TRIM71: variants seen among roughly 807,000 people sequenced by gnomAD.
TRIM71 encodes E3 ubiquitin-protein ligase TRIM71.
TRIM71 carries 9 observed loss-of-function variants against 61.2 expected under a neutral mutation model. The ratio of observed to expected loss-of-function variants is 0.15; its 90% confidence interval spans 0.09 to 0.26. TRIM71 has a LOEUF of 0.26. Among genes scored for constraint, TRIM71 ranks in the 10% least tolerant of loss-of-function variants. The pLI is 1.00. For missense variants in TRIM71, 998 were observed against 1,238.7 expected (o/e 0.81, Z 2.92); for synonymous variants, 645 against 553.2 (o/e 1.17, Z -2.33).
chr3:32,844,091 T>A (rs1696442623), intron 1 of TRIM71, among the ~76,000 whole-genome samples: 1 of 152,174 alleles, frequency 6.6e-6, no homozygotes. Flanking sequence ...ACCCATGCTT[T>A]CTCGCGTCGT....
At chr3:32,839,804 G>C (rs966041690) in intron 1 of TRIM71, among the ~76,000 whole-genome samples, 4 of 151,902 alleles carry the variant, frequency 2.6e-5, no homozygotes, top group Non-Finnish European at 4.4e-5. Context: ...ATTGGGTAAG[G>C]GCATTGAAGG....
chr3:32,834,796 C>G (rs981834203), intron 1 of TRIM71, among the ~76,000 whole-genome samples: 1 of 152,034 alleles, frequency 6.6e-6, no homozygotes, highest in Non-Finnish European at 1.5e-5. Context: ...GAGCCGAGAT[C>G]GCACGGCTGC....
intron 3 of TRIM71, among the ~76,000 whole-genome samples, chr3:32,889,518 T>C (rs976500853): frequency 6.6e-6 from 1 of 150,974 alleles, no homozygotes; most frequent in Non-Finnish European, 1.5e-5. Context: ...TAACTCCATA[T>C]ATTCCTTCTC....
At chr3:32,827,397 G>C (rs1696215654) in intron 1 of TRIM71, among the ~76,000 whole-genome samples, 1 of 151,372 alleles carries the variant, frequency 6.6e-6, no homozygotes, top group Admixed American at 6.6e-5. Context: ...CGAGTAGCTG[G>C]GATCACAGGC....
intron 1 of TRIM71, among the ~76,000 whole-genome samples, chr3:32,856,241 T>C (rs550792742): frequency 2.6e-5 from 4 of 152,176 alleles, no homozygotes; most frequent in African/African-American, 9.6e-5. Flanking sequence ...ATGGTCTCGA[T>C]CTCCTGACCT....
intron 3 of TRIM71, among the ~76,000 whole-genome samples, chr3:32,886,944 C>A (rs1171450043): frequency 6.6e-6 from 1 of 152,208 alleles, no homozygotes; most frequent in Admixed American, 6.5e-5. Flanking sequence ...GAATATGGCT[C>A]AATTGCTTTC....
rs760449707 is a variant in TRIM71 at position 32,873,995 on chromosome 3, C to T, written c.1020+10C>T. On this transcript the variant is annotated intron_variant, in intron 2 of 3. Coordinates refer to ENST00000383763, the MANE Select transcript of TRIM71 (RefSeq NM_001039111.3). The stretch of plus-strand genomic sequence containing the variant: ...ACGACAGGCAATCCAGGTGAGCCTT[C>T]CCTGCCCTTCTGCAGTTCCCACGTG... 1.8e-5 allele frequency: 29 copies of T among 1,598,052 alleles called. 1 individual carries two copies. The South Asian group carries it at 3.0e-4, about 17-fold the overall frequency.
chr3:32,860,436 G>T (rs564566807), intron 1 of TRIM71, among the ~76,000 whole-genome samples: 7 of 152,004 alleles, frequency 4.6e-5, no homozygotes, highest in African/African-American at 7.2e-5. Context: ...GATTACAGAC[G>T]TGAGCTACTG....
At position 32,863,195 on chromosome 3, in the gene TRIM71, CTTTTTTT is replaced by C. The variant is rs11348995; in HGVS notation, c.853-10603_853-10597del. Among the ~76,000 whole-genome samples the C allele has an allele frequency of 1.1e-3, 61 of 53,750 alleles. 1 individual carries two copies. Among genetic ancestry groups the C allele is most frequent in the African/African-American group, 4.2e-3 (60 of 14,420 alleles). The allele number at this position is 53,750 out of a possible 152,430, so 35.3% of individuals were successfully genotyped here. Reference sequence around the variant, plus strand: ...TGGGAGGGAGGAGTATTAATTGAACCTTTTTTTTTTTTTTTTTTTTTTTTTTGGAGCT... The same window carrying C: ...TGGGAGGGAGGAGTATTAATTGAACCTTTTTTTTTTTTTTTTTTTGGAGCT... On this transcript the variant is annotated intron_variant, in intron 1 of 3. Transcript: ENST00000383763.
rs1009065613 is a variant in TRIM71 at position 32,893,394 on chromosome 3, A to G, written c.*1583A>G. 3.9e-5 allele frequency: 6 copies of G among 152,182 alleles called. No individual in the cohort carries two copies. The highest frequency in any genetic ancestry group is 5.9e-5 in the Non-Finnish European group (4 of 68,046). The allele number at this position is 152,182 out of a possible 1,614,324, so 9.4% of individuals were successfully genotyped here. A position where few individuals can be genotyped will look rare whatever the true frequency, so the allele number is the denominator to read the frequency against. On this transcript the variant is annotated 3_prime_UTR_variant, in exon 4 of 4. Coordinates refer to ENST00000383763, the MANE Select transcript of TRIM71 (RefSeq NM_001039111.3). ...GTTGTAAGCTGGACTTGGGTACAAA[A>G]CTTGTGCTTCTGGGCATTGTCTGTC...
chr3:32,843,662 T>C (rs1696436690), intron 1 of TRIM71, among the ~76,000 whole-genome samples: 1 of 152,316 alleles, frequency 6.6e-6, no homozygotes, highest in Non-Finnish European at 1.5e-5. Context: ...GGAAGCAGGC[T>C]TAATGCCCGC....
Position 32,856,121 on chromosome 3 carries a change from C to T in TRIM71, c.853-17697C>T, listed in dbSNP as rs368077632. ...CAAGCTCCGCCTCCTGGGTTCACAC[C>T]GTTCTCCTGCCTCAGCCTCCGGAGT... On this transcript the variant is annotated intron_variant, in intron 1 of 3. Transcript: ENST00000383763. Among the ~76,000 whole-genome samples, 58 of 152,242 alleles carry T rather than the reference C, an allele frequency of 3.8e-4. No homozygotes were observed. In the South Asian group the frequency reaches 1.0e-2, roughly 26 times the overall value.
intron 3 of TRIM71, among the ~76,000 whole-genome samples, chr3:32,887,249 A>T (rs1696971520): frequency 6.6e-6 from 1 of 152,090 alleles, no homozygotes; most frequent in Non-Finnish European, 1.5e-5. Context: ...AGGCTGACCC[A>T]CTGTCCTCTC....
chr3:32,863,276 ATGG>A (rs1474929853), intron 1 of TRIM71, among the ~76,000 whole-genome samples: 25 of 133,110 alleles, frequency 1.9e-4, no homozygotes, highest in African/African-American at 7.2e-4. Flanking sequence ...TGGTGCATAC[ATGG>A]CTCACAGCAG....
At chr3:32,870,388 T>TG (rs1355747873) in intron 1 of TRIM71, among the ~76,000 whole-genome samples, 1 of 152,220 alleles carries the variant, frequency 6.6e-6, no homozygotes, top group East Asian at 1.9e-4. Flanking sequence ...CCATCTCTGT[T>TG]GCAGGCGGCC....
At chr3:32,864,272 G>A (rs766438586) in intron 1 of TRIM71, among the ~76,000 whole-genome samples, 1 of 152,148 alleles carries the variant, frequency 6.6e-6, no homozygotes, top group Non-Finnish European at 1.5e-5. Flanking sequence ...CACAACTCTG[G>A]CATTTTCTAA....
At chr3:32,851,804 G>T (rs1482061817) in intron 1 of TRIM71, among the ~76,000 whole-genome samples, 1 of 152,086 alleles carries the variant, frequency 6.6e-6, no homozygotes, top group African/African-American at 2.4e-5. Flanking sequence ...GAAAGGGTTG[G>T]GGCAGTTCTA....
At position 32,828,466 on chromosome 3, in the gene TRIM71, A is replaced by C. The variant is rs574556910; in HGVS notation, c.852+9534A>C. On this transcript the variant is annotated intron_variant, in intron 1 of 3. Transcript: ENST00000383763. ...GAGTAGAGCTGAAATATAAAGTCTC[A>C]TAGCACAGTGCCCTACAATTGAAGG... Among the ~76,000 whole-genome samples the C allele has an allele frequency of 8.6e-5, 13 of 151,082 alleles. No homozygotes were observed. In the South Asian group the frequency reaches 2.5e-3, roughly 29 times the overall value.
chr3:32,830,072 T>G (rs1189824028), intron 1 of TRIM71, among the ~76,000 whole-genome samples: 1 of 151,868 alleles, frequency 6.6e-6, no homozygotes, highest in Non-Finnish European at 1.5e-5. Flanking sequence ...TATAGGTACA[T>G]GCCACCGTGC....
Sources: allele counts gnomAD v4.1 joint callset (sites outside exome capture counted in the v4.1 genomes callset), GRCh38; gene constraint gnomAD v4.1.1; transcripts MANE v1.5; gene names NCBI Gene and HGNC (gene_info 2026-07-23, HGNC 2026-07-21).